EML6: variants seen among roughly 807,000 people sequenced by gnomAD.
EML6 encodes the protein EMAP like 6, also known as echinoderm microtubule-associated protein-like 6.
A neutral mutation model predicts 240.1 loss-of-function variants in EML6; 154 were observed. The observed-to-expected ratio is 0.64, with a 90% CI of 0.56 to 0.73. EML6 has a LOEUF of 0.73. EML6 is among the 30% of genes least tolerant of loss of function. The pLI is 0.00. For synonymous variants in EML6, 1,148 were observed against 899.0 expected (o/e 1.28, Z -4.95); for missense variants, 2,964 against 2,474.6 (o/e 1.20, Z -4.20).
At chr2:54,860,930 C>G (rs541852210) in intron 12 of EML6, among the ~76,000 whole-genome samples, 25 of 152,294 alleles carry the variant, frequency 1.6e-4, no homozygotes, top group African/African-American at 5.5e-4. Context: ...TAGGAATATT[C>G]TAGTCTTCCT....
At chr2:54,916,431 T>A (rs552567103) in intron 25 of EML6, among the ~76,000 whole-genome samples, 16 of 152,182 alleles carry the variant, frequency 1.1e-4, no homozygotes, top group African/African-American at 3.9e-4. Flanking sequence ...AGTGCTGGCG[T>A]TGGGGAATCT....
At chr2:54,768,444 G>A (rs1668279727) in intron 2 of EML6, among the ~76,000 whole-genome samples, 1 of 152,162 alleles carries the variant, frequency 6.6e-6, no homozygotes, top group South Asian at 2.1e-4. Flanking sequence ...TTCTGAATTG[G>A]CTCTTTTGTA....
intron 2 of EML6, among the ~76,000 whole-genome samples, chr2:54,787,237 T>C (rs955405033): frequency 5.9e-5 from 9 of 152,002 alleles, no homozygotes; most frequent in Non-Finnish European, 1.0e-4. Flanking sequence ...TATCGTTTCA[T>C]AGAAATACCT....
chr2:54,821,999 C>T (rs75910839), intron 5 of EML6, among the ~76,000 whole-genome samples: 4,787 of 151,878 alleles, frequency 0.032, 107 homozygotes, highest in Admixed American at 0.072. Flanking sequence ...CTTTTTTCCA[C>T]AAAAAGAGGG....
rs1433856776 is a variant in EML6 at position 54,964,598 on chromosome 2, C to T, written c.5358C>T (p.Ala1786=). 4 of 1,552,244 alleles carry T rather than the reference C, an allele frequency of 2.6e-6. No individual in the cohort carries two copies. Among genetic ancestry groups the T allele is most frequent in the East Asian group, 2.4e-5 (1 of 40,932 alleles). The part of the protein sequence containing the change: ...IRISPDNRFL[A]VGSSEHTVDF... ...TCAGCCCAGACAACCGATTCTTAGC[C>T]GTTGGTTCTTCTGAACACACAGTTG... The change falls in exon 38 of 42, where the codon GCC becomes GCT. Residue 1786 remains alanine, a synonymous_variant. Transcript: ENST00000356458.
chr2:54,958,311 C>T (rs921116114), intron 33 of EML6, among the ~76,000 whole-genome samples: 26 of 152,124 alleles, frequency 1.7e-4, no homozygotes, highest in Non-Finnish European at 2.8e-4. Context: ...CCTGCCTCAG[C>T]CTCCCAAGTA....
chr2:54,877,556 A>G (rs1671575442), intron 16 of EML6, among the ~76,000 whole-genome samples: 1 of 152,234 alleles, frequency 6.6e-6, no homozygotes, highest in Non-Finnish European at 1.5e-5. Flanking sequence ...ACCAGACCAT[A>G]TCAAGAGATG....
chr2:54,765,549 C>G (rs956869270), intron 2 of EML6, among the ~76,000 whole-genome samples: 15 of 152,200 alleles, frequency 9.9e-5, no homozygotes, highest in South Asian at 2.1e-4. Flanking sequence ...CAAGCTCCGC[C>G]TGCCGGGTTC....
chr2:54,858,715 A>G (rs969824287), intron 11 of EML6, among the ~76,000 whole-genome samples: 1 of 152,250 alleles, frequency 6.6e-6, no homozygotes, highest in Non-Finnish European at 1.5e-5. Flanking sequence ...GACATGTAGC[A>G]GTAATTTTCA....
intron 33 of EML6, 143 bp downstream of exon 33, chr2:54,958,141 G>T: frequency 1.5e-6 from 1 of 670,612 alleles, no homozygotes; most frequent in Non-Finnish European, 2.5e-6. Flanking sequence ...TGGCTTATCT[G>T]CAACCACTGT....
intron 2 of EML6, among the ~76,000 whole-genome samples, chr2:54,783,821 T>C (rs1218978527): frequency 1.3e-5 from 2 of 152,238 alleles, no homozygotes; most frequent in African/African-American, 4.8e-5. Context: ...GATATACTTG[T>C]AATGAGACTG....
In EML6 at chr2:54,928,575, C is replaced by T. The variant is rs1350105893; in HGVS notation, c.3878-50C>T. 12 of 1,551,548 alleles carry T rather than the reference C, an allele frequency of 7.7e-6. No individual in the cohort carries two copies. The Admixed American group carries it at 1.4e-4, about 18-fold the overall frequency. ...AATGCACCTCCCAACACCTCCCTTC[C>T]TGGGCCACTGCAAACCAACTGGCTC... On this transcript the variant is annotated intron_variant, in intron 27 of 41. Coordinates refer to ENST00000356458, the MANE Select transcript of EML6 (RefSeq NM_001039753.4).
intron 10 of EML6, 29 bp downstream of exon 10, chr2:54,850,247 C>T (rs1162055363): frequency 6.5e-6 from 10 of 1,539,830 alleles, no homozygotes; most frequent in South Asian, 2.4e-5. Flanking sequence ...TTGGATGTTT[C>T]TGGAAAGCAA....
At chr2:54,920,480 C>G (rs1346944550) in intron 26 of EML6, among the ~76,000 whole-genome samples, 2 of 152,116 alleles carry the variant, frequency 1.3e-5, no homozygotes, top group Admixed American at 1.3e-4. Context: ...AAAATCTGAA[C>G]AGATCAATAA....
intron 29 of EML6, 132 bp downstream of exon 29, chr2:54,949,092 C>G (rs1187471319): frequency 4.3e-6 from 3 of 693,650 alleles, no homozygotes; most frequent in Admixed American, 2.2e-5. Context: ...TTTGTCCCCT[C>G]TCCCTCCTAC....
intron 2 of EML6, among the ~76,000 whole-genome samples, chr2:54,728,216 G>C (rs1489281502): frequency 6.6e-6 from 1 of 152,232 alleles, no homozygotes; most frequent in Non-Finnish European, 1.5e-5. Context: ...ACCAAGGACA[G>C]TAATAGAGAC....
At chr2:54,830,971 G>A (rs891075831) in intron 7 of EML6, among the ~76,000 whole-genome samples, 2 of 152,172 alleles carry the variant, frequency 1.3e-5, no homozygotes, top group African/African-American at 2.4e-5. Flanking sequence ...CAAGGAGATC[G>A]AAGGCCTTAA....
intron 17 of EML6, among the ~76,000 whole-genome samples, chr2:54,889,942 T>C (rs77757565): frequency 0.021 from 3,168 of 152,328 alleles, 83 homozygotes; most frequent in South Asian, 0.095. Flanking sequence ...ACACATAGCA[T>C]GTTTGGAGAG....
rs1346333849 is a variant in EML6, at chr2:54,725,034, G to T, written c.-28G>T. The T allele has an allele frequency of 6.7e-7, 1 of 1,488,268 alleles. No individual in the cohort carries two copies. The highest frequency in any genetic ancestry group is 8.9e-7 in the Non-Finnish European group (1 of 1,119,248). 92.2% of individuals were successfully genotyped at this position (1,488,268 alleles called of 1,614,324 possible). ...CGAGGACGGCCCCGGCGCGCGGGGGGGCGGGGGGCGCGCGGGGTCGGCTTA... is the reference window on the plus strand; with the variant it reads ...CGAGGACGGCCCCGGCGCGCGGGGGTGCGGGGGGCGCGCGGGGTCGGCTTA... On this transcript the variant is annotated 5_prime_UTR_variant, in exon 2 of 42. Coordinates refer to ENST00000356458, the MANE Select transcript of EML6 (RefSeq NM_001039753.4). This position sits in a 1 kb window ranked among gnomAD's most constrained non-coding sequence, Gnocchi z 4.3.
Sources: gnomAD v4.1 joint callset for allele counts (sites outside exome capture counted in the v4.1 genomes callset) on GRCh38, gnomAD v4.1.1 for gene constraint, Gnocchi (gnomAD v3.1) non-coding constraint, MANE v1.5 for transcripts, NCBI Gene and HGNC (gene_info 2026-07-23, HGNC 2026-07-21) for gene names.